DHX30: variants seen among roughly 807,000 people sequenced by gnomAD.
The protein encoded by DHX30 is DExH-box helicase 30, also known as ATP-dependent RNA helicase DHX30.
DHX30 carries 4 observed loss-of-function variants against 116.9 expected under a neutral mutation model. The observed-to-expected ratio is 0.03, with a 90% CI of 0.02 to 0.08. The LOEUF is 0.08. DHX30 is among the 10% of genes least tolerant of loss of function. The probability of loss-of-function intolerance (pLI) is 1.00; values close to 1 mark genes in which losing one functional copy is unlikely to be tolerated. For synonymous variants in DHX30, 697 were observed against 651.7 expected, an observed-to-expected ratio of 1.07 and a Z score of -1.06; for missense variants, 871 against 1,595.1, an observed-to-expected ratio of 0.55 and a Z score of 7.73.
intron 5 of DHX30, among the ~76,000 whole-genome samples, chr3:47,828,498 G>A (rs996265692): frequency 1.3e-5 from 2 of 150,768 alleles, no homozygotes; most frequent in Admixed American, 6.6e-5. Context: ...GAGGCTGGGC[G>A]CGGTGGCTCA....
chr3:47,847,676 C>A lies in DHX30; in HGVS notation c.2111-105C>A. On this transcript the variant is annotated intron_variant, in intron 13 of 21. Transcript: ENST00000445061. The surrounding 1 kb of genome is among the most constrained non-coding windows in gnomAD (Gnocchi z 5.5). ...TTTCACTGGGCATAGTGTTTATCTG[C>A]GCCTGTTTCATCAAAATGGGGTCAA... The A allele has an allele frequency of 6.7e-7, 1 of 1,484,954 alleles. No individual in the cohort carries two copies. The highest frequency in any genetic ancestry group is 9.1e-7 in the Non-Finnish European group (1 of 1,103,742). 92.0% of individuals were successfully genotyped at this position (1,484,954 alleles called of 1,614,324 possible). A position where few individuals can be genotyped will look rare whatever the true frequency, so the allele number is the denominator to read the frequency against.
Position 47,847,229 on chromosome 3 carries a change from C to T in DHX30, c.1930-44C>T, listed in dbSNP as rs771856763. On this transcript the variant is annotated intron_variant, in intron 11 of 21. Coordinates refer to ENST00000445061, the MANE Select transcript of DHX30 (RefSeq NM_138615.3). This position sits in a 1 kb window ranked among gnomAD's most constrained non-coding sequence, Gnocchi z 5.5. ...GGTGGCTGTGTCCTTGGCATGACCC[C>T]TTACCCCGGGGCTGTGACTGTGGCC... The T allele has an allele frequency of 6.2e-7, 1 of 1,613,250 alleles. No homozygotes were observed. Among genetic ancestry groups the T allele is most frequent in the South Asian group, 1.1e-5 (1 of 91,034 alleles).
chr3:47,818,206 A>G (rs554029096), intron 4 of DHX30, 89 bp downstream of exon 4: 7 of 712,082 alleles, frequency 9.8e-6, no homozygotes, highest in Non-Finnish European at 1.8e-5. Flanking sequence ...CCAGGGCCAC[A>G]GCCCTCCAGA....
chr3:47,842,912 G>A (rs1013972282), intron 8 of DHX30, among the ~76,000 whole-genome samples, 194 bp from the exon 9 acceptor site: 7 of 152,232 alleles, frequency 4.6e-5, no homozygotes, highest in Admixed American at 6.5e-5. Flanking sequence ...CAGGAGAAGC[G>A]AGCCTGGGAC....
chr3:47,839,305 C>T (rs1192852265), intron 6 of DHX30, among the ~76,000 whole-genome samples: 3 of 111,990 alleles, frequency 2.7e-5, no homozygotes, highest in Non-Finnish European at 5.2e-5. Flanking sequence ...TTTTTTGAGA[C>T]GGAGTTTCGC....
chr3:47,839,678 T>C (rs2037278925), intron 6 of DHX30, among the ~76,000 whole-genome samples: 1 of 146,820 alleles, frequency 6.8e-6, no homozygotes, highest in African/African-American at 2.7e-5. Flanking sequence ...GGTTTTTTTG[T>C]TTGTTTGTTT....
rs550759648 is a variant in DHX30 at position 47,850,103 on chromosome 3, A to AAGAC, written c.3571_3574dup (p.Ala1192AspfsTer3). 1.9e-6 allele frequency: 3 copies of AAGAC among 1,592,880 alleles called. No homozygotes were observed. The South Asian group carries it at 3.4e-5, about 18-fold the overall frequency. ...ACCCTGTGGCAGCTTTGATGTGCGC[A>AAGAC]AGACAGCTGACGACTGAGCCCTGCT... On this transcript the variant is annotated frameshift_variant, in exon 22 of 22. Transcript: ENST00000445061. LOFTEE classifies it high-confidence loss of function.
chr3:47,827,521 A>G, intron 5 of DHX30, 44 bp downstream of exon 5: 1 of 1,587,530 alleles, frequency 6.3e-7, no homozygotes, highest in South Asian at 1.1e-5. Context: ...ATGACTCAGA[A>G]AGGAGGCTGT....
At chr3:47,843,548 G>A (rs547833364) in intron 9 of DHX30, among the ~76,000 whole-genome samples, 6 of 152,318 alleles carry the variant, frequency 3.9e-5, no homozygotes, top group South Asian at 2.1e-4. Context: ...GTATAAAGCC[G>A]GGAGGAGCCG....
In DHX30 at chr3:47,850,159, T is replaced by C; in HGVS notation, c.*39T>C. 6.6e-7 allele frequency: 1 copy of C among 1,526,486 alleles called. No individual in the cohort carries two copies. The allele number at this position is 1,526,486 out of a possible 1,614,324, so 94.6% of individuals were successfully genotyped here. On this transcript the variant is annotated 3_prime_UTR_variant, in exon 22 of 22. Transcript: ENST00000445061. ...TGGGGCTGTGTACAGAGTGCAAATG[T>C]TTATTTAAAATAAAGTTCTATTTAT...
intron 4 of DHX30, chr3:47,822,344 A>C (rs1436533079): frequency 6.5e-6 from 1 of 153,220 alleles, no homozygotes; most frequent in African/African-American, 2.4e-5. Flanking sequence ...GCTGATAAAG[A>C]CATACCCAAG....
intron 2 of DHX30, among the ~76,000 whole-genome samples, chr3:47,808,602 G>A (rs1297755729): frequency 6.6e-6 from 1 of 150,418 alleles, no homozygotes; most frequent in Non-Finnish European, 1.5e-5. Flanking sequence ...TTGAGATGGA[G>A]TCTCGCTCTG....
chr3:47,841,886 A>C lies in DHX30; in HGVS notation c.789+149A>C, dbSNP rs909409419. 5.3e-6 allele frequency: 6 copies of C among 1,132,710 alleles called. No homozygotes were observed. The African/African-American group carries it at 9.2e-5, about 17-fold the overall frequency. The allele number at this position is 1,132,710 out of a possible 1,614,324, so 70.2% of individuals were successfully genotyped here. On this transcript the variant is annotated intron_variant, in intron 8 of 21. Transcript: ENST00000445061. The stretch of plus-strand genomic sequence containing the variant: ...GGAGGAACTCCTGCTTGGGAGGAAA[A>C]GCAGCAGGTGTGATGGAATGGAGGT...
intron 3 of DHX30, among the ~76,000 whole-genome samples, chr3:47,812,723 G>T (rs1302433187): frequency 7.4e-5 from 11 of 149,324 alleles, no homozygotes; most frequent in Non-Finnish European, 1.5e-4. Flanking sequence ...GAGTGCAGTG[G>T]CACGAGCTTG....
At chr3:47,838,055 C>CT (rs1462417720) in intron 6 of DHX30, among the ~76,000 whole-genome samples, 5 of 152,186 alleles carry the variant, frequency 3.3e-5, no homozygotes, top group Non-Finnish European at 5.9e-5. Flanking sequence ...TGCTGTCCTG[C>CT]TGGGGAAGCC....
chr3:47,847,634 G>A lies in DHX30; in HGVS notation c.2110+98G>A, dbSNP rs2037676430. On this transcript the variant is annotated intron_variant, in intron 13 of 21. Coordinates refer to ENST00000445061, the MANE Select transcript of DHX30 (RefSeq NM_138615.3). The surrounding 1 kb of genome is among the most constrained non-coding windows in gnomAD (Gnocchi z 5.5). ...TGGGACTCCAGGGGCCCCGGTTTCT[G>A]ACCAAGCTGTGGCACTTTTCACTGG... 1 of 1,459,858 alleles carries A rather than the reference G, an allele frequency of 6.8e-7. No individual in the cohort carries two copies. The highest frequency in any genetic ancestry group is 1.4e-5 in the African/African-American group (1 of 70,580). The allele number at this position is 1,459,858 out of a possible 1,614,324, so 90.4% of individuals were successfully genotyped here. A position where few individuals can be genotyped will look rare whatever the true frequency, so the allele number is the denominator to read the frequency against.
At chr3:47,845,510 T>C in intron 9 of DHX30, 190 bp from the exon 10 acceptor site, 1 of 642,840 alleles carries the variant, frequency 1.6e-6, no homozygotes, top group Non-Finnish European at 2.3e-6. Context: ...GTTCATTTTT[T>C]AAAACGTTTA....
rs756939957 is a variant in DHX30 at position 47,846,391 on chromosome 3, G to A, written c.1319G>A (p.Arg440Gln). The A allele has an allele frequency of 5.0e-6, 8 of 1,613,964 alleles. No homozygotes were observed. The highest frequency in any genetic ancestry group is 1.1e-5 in the South Asian group (1 of 91,090). ...CCCCAGCTACCTGTGGACCCACATC[G>A]GGACACCATCCTCAACGCCATTGAG... ...EAPQLPVDPH[R>Q]DTILNAIEQH... is the part of the protein sequence containing the mutation. Residue 440 changes from arginine to glutamine, a missense_variant, in exon 11 of 22, where the codon CGG (arginine) becomes CAG (glutamine). Physicochemically the swap from Arg to Gln is conservative, Grantham distance 43. Transcript: ENST00000445061.
chr3:47,815,929 A>G (rs956732747), intron 3 of DHX30: 17 of 983,818 alleles, frequency 1.7e-5, no homozygotes, highest in Non-Finnish European at 2.1e-5. Flanking sequence ...TAATCATTGA[A>G]TCATTTATTC....
Sources: allele counts gnomAD v4.1 joint callset (sites outside exome capture counted in the v4.1 genomes callset), GRCh38; gene constraint gnomAD v4.1.1; non-coding constraint Gnocchi (gnomAD v3.1); transcripts MANE v1.5; gene names NCBI Gene and HGNC (gene_info 2026-07-23, HGNC 2026-07-21).